The following AFF3 variants were observed in gnomAD, a reference collection of about 807,000 sequenced individuals.
AFF3 encodes the protein ALF transcription elongation factor 3, also known as AF4/FMR2 family member 3.
AFF3 carries 32 observed loss-of-function variants against 129.7 expected under a neutral mutation model. That is an observed-to-expected ratio of 0.25 (90% CI 0.19 to 0.33). The LOEUF (loss-of-function observed/expected upper bound fraction) is 0.33, where lower values mean the gene tolerates loss of function less well. Ranked by LOEUF, AFF3 falls within the 10% of genes least tolerant of loss-of-function variation. AFF3 has a pLI of 1.00. For synonymous variants in AFF3, 644 were observed against 635.4 expected, an observed-to-expected ratio of 1.01 and a Z score of -0.20; for missense variants, 1,373 against 1,592.0, an observed-to-expected ratio of 0.86 and a Z score of 2.34.
At chr2:99,906,708 G>A (rs1303743660) in intron 7 of AFF3, among the ~76,000 whole-genome samples, 3 of 152,062 alleles carry the variant, frequency 2.0e-5, no homozygotes, top group Non-Finnish European at 4.4e-5. Flanking sequence ...TTCAGCTTCA[G>A]CTCCGGACCA....
At chr2:99,886,956 T>C (rs1693158007) in intron 7 of AFF3, among the ~76,000 whole-genome samples, 1 of 152,234 alleles carries the variant, frequency 6.6e-6, no homozygotes, top group Non-Finnish European at 1.5e-5. Flanking sequence ...GCATCTCCCT[T>C]AACGAAATGT....
intron 8 of AFF3, among the ~76,000 whole-genome samples, chr2:99,769,921 C>T (rs1039364239): frequency 2.0e-5 from 3 of 152,210 alleles, no homozygotes; most frequent in Non-Finnish European, 4.4e-5. Flanking sequence ...GTGGCTACCA[C>T]GACTGGGACT....
intron 4 of AFF3, among the ~76,000 whole-genome samples, chr2:100,050,894 C>T (rs1686270101): frequency 6.6e-6 from 1 of 152,180 alleles, no homozygotes; most frequent in Non-Finnish European, 1.5e-5. Flanking sequence ...GAGTAACAGC[C>T]AACAAGGGAA....
chr2:100,069,350 A>AT (rs890902435), intron 4 of AFF3, among the ~76,000 whole-genome samples: 9 of 152,238 alleles, frequency 5.9e-5, no homozygotes, highest in East Asian at 3.9e-4. Flanking sequence ...AGGAATGTCC[A>AT]TTTTTTCCCA....
Position 99,837,536 on chromosome 2 carries a change from G to A in AFF3, c.874-12C>T. On this transcript the variant is annotated splice_polypyrimidine_tract_variant and intron_variant, in intron 7 of 24. Coordinates refer to ENST00000672756, the MANE Select transcript of AFF3 (RefSeq NM_001386135.1). ...CCAGATCTACTCTCCTGAAAGCAAA[G>A]AAAAAAAAATTAAGCCTGATGGAAT... 1 of 1,605,490 alleles carries A rather than the reference G, an allele frequency of 6.2e-7. No individual in the cohort carries two copies. Among genetic ancestry groups the A allele is most frequent in the Non-Finnish European group, 8.5e-7 (1 of 1,175,024 alleles).
At chr2:99,887,822 C>T (rs1346257794) in intron 7 of AFF3, among the ~76,000 whole-genome samples, 5 of 152,186 alleles carry the variant, frequency 3.3e-5, no homozygotes, top group Non-Finnish European at 7.3e-5. Flanking sequence ...GTATTACCAC[C>T]CTCTGTTCAC....
At chr2:99,862,864 G>C (rs1278693693) in intron 7 of AFF3, among the ~76,000 whole-genome samples, 1 of 152,098 alleles carries the variant, frequency 6.6e-6, no homozygotes, top group Non-Finnish European at 1.5e-5. Context: ...TAGTTACAAT[G>C]GCAATTAAAA....
chr2:99,569,129 C>T (rs933267543), intron 18 of AFF3, among the ~76,000 whole-genome samples: 16 of 152,140 alleles, frequency 1.1e-4, no homozygotes, highest in Non-Finnish European at 1.0e-4. Context: ...ACTCAACATA[C>T]GCCAGTAGTC....
At chr2:100,133,611 G>A (rs772533382) in intron 1 of AFF3, among the ~76,000 whole-genome samples, 3 of 152,086 alleles carry the variant, frequency 2.0e-5, no homozygotes, top group Non-Finnish European at 2.9e-5. Context: ...TGGCTCTCAT[G>A]TACTACTTTT....
intron 8 of AFF3, among the ~76,000 whole-genome samples, chr2:99,761,924 T>TCTTCC (rs1682631601): frequency 6.6e-6 from 1 of 152,118 alleles, no homozygotes; most frequent in Non-Finnish European, 1.5e-5. Flanking sequence ...TGCTTTTCTA[T>TCTTCC]ACACTGTCTT....
chr2:99,882,463 T>TA (rs1431409852), intron 7 of AFF3, among the ~76,000 whole-genome samples: 1 of 152,220 alleles, frequency 6.6e-6, no homozygotes, highest in African/African-American at 2.4e-5. Flanking sequence ...CTGCAGTGGC[T>TA]ACAGACCGGC....
chr2:100,106,296 C>A, intron 2 of AFF3: 1 of 1,167,812 alleles, frequency 8.6e-7, no homozygotes, highest in South Asian at 1.7e-5. Context: ...AACTCTCAGC[C>A]CTCAAAAACC....
At chr2:99,820,154 T>C (rs1236437540) in intron 8 of AFF3, among the ~76,000 whole-genome samples, 1 of 152,180 alleles carries the variant, frequency 6.6e-6, no homozygotes, top group Admixed American at 6.5e-5. Context: ...GTTGGGTGAA[T>C]TCGTCGTTGT....
At chr2:99,728,098 A>G (rs1211958632) in intron 10 of AFF3, among the ~76,000 whole-genome samples, 2 of 152,218 alleles carry the variant, frequency 1.3e-5, no homozygotes, top group African/African-American at 4.8e-5. Flanking sequence ...GCTTGGAACC[A>G]GTTCACTTCT....
chr2:99,665,646 G>A (rs1463107267), intron 12 of AFF3, among the ~76,000 whole-genome samples: 1 of 152,198 alleles, frequency 6.6e-6, no homozygotes, highest in East Asian at 1.9e-4. Flanking sequence ...TTCTGAGCTG[G>A]GGATATAACT....
chr2:100,102,113 T>C (rs1690778409), intron 4 of AFF3, among the ~76,000 whole-genome samples: 1 of 152,168 alleles, frequency 6.6e-6, no homozygotes, highest in Non-Finnish European at 1.5e-5. Flanking sequence ...ATGAAAATAT[T>C]GGACACACAG....
rs1162517580 is a variant in AFF3, at chr2:99,741,394, C to T, written c.1039+2710G>A. Among the ~76,000 whole-genome samples, 6 of 152,120 alleles carry T rather than the reference C, an allele frequency of 3.9e-5. No individual in the cohort carries two copies. The East Asian group carries it at 9.6e-4, about 24-fold the overall frequency. On this transcript the variant is annotated intron_variant, in intron 10 of 24. Transcript: ENST00000672756. ...AGTCTCAGGATACAAAATCAACGTA[C>T]AAAAATCACAAGCATTCTTATACAC...
At chr2:99,974,651 T>C (rs1311634979) in intron 7 of AFF3, among the ~76,000 whole-genome samples, 1 of 152,214 alleles carries the variant, frequency 6.6e-6, no homozygotes, top group Non-Finnish European at 1.5e-5. Context: ...ATGGAAATGA[T>C]TTTTCACTAC....
intron 9 of AFF3, among the ~76,000 whole-genome samples, chr2:99,744,930 C>T (rs1392797626): frequency 1.3e-5 from 2 of 152,208 alleles, no homozygotes; most frequent in South Asian, 2.1e-4. Context: ...TTATATAACT[C>T]TATGTTAAAC....
Sources: allele counts gnomAD v4.1 joint callset (sites outside exome capture counted in the v4.1 genomes callset), GRCh38; gene constraint gnomAD v4.1.1; transcripts MANE v1.5; gene names NCBI Gene and HGNC (gene_info 2026-07-23, HGNC 2026-07-21).